The following DAB1 variants were observed in gnomAD, a reference collection of about 807,000 sequenced individuals.
The protein encoded by DAB1 is DAB adaptor protein 1.
DAB1 carries 15 observed loss-of-function variants against 64.6 expected under a neutral mutation model. The ratio of observed to expected loss-of-function variants is 0.23; its 90% CI spans 0.16 to 0.36. DAB1 has a LOEUF of 0.36. Ranked by LOEUF, DAB1 falls within the 10% of genes least tolerant of loss-of-function variation. DAB1 has a pLI of 1.00. For missense variants in DAB1, 596 were observed against 706.7 expected, an observed-to-expected ratio of 0.84 and a Z score of 1.78; for synonymous variants, 235 against 251.9, an observed-to-expected ratio of 0.93 and a Z score of 0.64.
intron 5 of DAB1, among the ~76,000 whole-genome samples, chr1:58,096,661 A>G (rs745515665): frequency 2.6e-5 from 4 of 152,232 alleles, no homozygotes; most frequent in Admixed American, 6.5e-5. Flanking sequence ...TCTAGTTGCA[A>G]TGTGAAGGCA....
At chr1:58,238,896 C>CT (rs1660166913) in intron 4 of DAB1, among the ~76,000 whole-genome samples, 1 of 152,162 alleles carries the variant, frequency 6.6e-6, no homozygotes, top group Admixed American at 6.5e-5. Context: ...AACAGATACA[C>CT]TTACATGAGG....
chr1:58,049,397 C>G (rs566955072), intron 5 of DAB1: 10 of 496,048 alleles, frequency 2.0e-5, no homozygotes, highest in Non-Finnish European at 3.7e-5. Context: ...TTTTGCACTT[C>G]TTTCCGATAA....
chr1:57,184,150 C>T (rs1280177619), intron 2 of DAB1, among the ~76,000 whole-genome samples: 1 of 152,192 alleles, frequency 6.6e-6, no homozygotes, highest in South Asian at 2.1e-4. Flanking sequence ...TGCCCCACAT[C>T]CAGGCACCCT....
intron 4 of DAB1, among the ~76,000 whole-genome samples, chr1:58,220,297 A>G (rs1659088996): frequency 6.6e-6 from 1 of 152,180 alleles, no homozygotes; most frequent in Non-Finnish European, 1.5e-5. Context: ...TAACTAACTG[A>G]TGGCCCAAGA....
chr1:57,827,710 T>C (rs1482129691), intron 1 of DAB1, among the ~76,000 whole-genome samples: 8 of 152,160 alleles, frequency 5.3e-5, no homozygotes, highest in African/African-American at 1.7e-4. Context: ...CCACCTTTCG[T>C]GACTTATCTG....
intron 4 of DAB1, among the ~76,000 whole-genome samples, chr1:58,171,465 G>A (rs1159327076): frequency 1.3e-5 from 2 of 152,224 alleles, no homozygotes; most frequent in Non-Finnish European, 2.9e-5. Context: ...CAAGATCTTA[G>A]ACTCATCAAT....
chr1:57,256,126 T>C (rs571642315), intron 2 of DAB1, among the ~76,000 whole-genome samples: 1 of 152,292 alleles, frequency 6.6e-6, no homozygotes, highest in East Asian at 1.9e-4. Context: ...TTAAAGGCAA[T>C]TTTACATTTC....
intron 2 of DAB1, among the ~76,000 whole-genome samples, chr1:57,185,417 C>CA (rs376449063): frequency 9.2e-5 from 14 of 151,996 alleles, no homozygotes; most frequent in African/African-American, 3.1e-4. Flanking sequence ...AATACCTGGG[C>CA]AAAGAGAAGG....
chr1:58,473,735 G>T, intron 3 of DAB1: 2 of 452,966 alleles, frequency 4.4e-6, no homozygotes, highest in South Asian at 2.0e-5. Flanking sequence ...TATTGTTAGG[G>T]ACTTGATCTT....
chr1:57,102,251 C>T (rs1280612365), intron 4 of DAB1, among the ~76,000 whole-genome samples: 2 of 152,170 alleles, frequency 1.3e-5, no homozygotes, highest in African/African-American at 4.8e-5. Context: ...CCATCACAAA[C>T]AATTGCCACA....
chr1:57,345,569 T>G (rs544652148), intron 1 of DAB1, among the ~76,000 whole-genome samples: 2 of 152,182 alleles, frequency 1.3e-5, no homozygotes, highest in Admixed American at 6.5e-5. Context: ...CTTTTATGTA[T>G]GCAACATCTA....
intron 2 of DAB1, among the ~76,000 whole-genome samples, chr1:57,222,408 G>C (rs1017502367): frequency 5.3e-5 from 8 of 152,152 alleles, no homozygotes; most frequent in African/African-American, 1.4e-4. Flanking sequence ...ATAAGTCAGG[G>C]AGATGGCTGT....
At chr1:57,407,741 T>C (rs1182585829) in intron 1 of DAB1, among the ~76,000 whole-genome samples, 1 of 151,588 alleles carries the variant, frequency 6.6e-6, no homozygotes, top group African/African-American at 2.4e-5. Context: ...AGGACTGTTG[T>C]GAAGATGGAA....
chr1:58,525,560 A>G (rs974577631), intron 2 of DAB1, among the ~76,000 whole-genome samples: 3 of 152,130 alleles, frequency 2.0e-5, no homozygotes, highest in Admixed American at 6.5e-5. Context: ...ATCGAGAAAA[A>G]TTAAACATCT....
chr1:57,228,067 T>C (rs1472805414), intron 2 of DAB1, among the ~76,000 whole-genome samples: 1 of 152,242 alleles, frequency 6.6e-6, no homozygotes, highest in South Asian at 2.1e-4. Flanking sequence ...CATTTCACCA[T>C]ACATTAACCT....
intron 4 of DAB1, among the ~76,000 whole-genome samples, chr1:58,288,038 A>AAT (rs1553173019): frequency 1.6e-5 from 2 of 122,676 alleles, no homozygotes; most frequent in East Asian, 2.4e-4. Context: ...AAAAAAAAAA[A>AAT]AAAAAAAGAA....
chr1:57,374,371 T>C (rs1484556381), intron 1 of DAB1, among the ~76,000 whole-genome samples: 1 of 152,228 alleles, frequency 6.6e-6, no homozygotes, highest in Non-Finnish European at 1.5e-5. Flanking sequence ...ATGTAAACTT[T>C]TATTAATTTC....
intron 4 of DAB1, among the ~76,000 whole-genome samples, chr1:57,105,467 T>C (rs2100704493): frequency 6.6e-6 from 1 of 152,252 alleles, no homozygotes; most frequent in Admixed American, 6.5e-5. Context: ...GCAGCCGCAG[T>C]CGCCCTTAGT....
chr1:57,399,352 A>AGATG (rs1242124136), intron 1 of DAB1, among the ~76,000 whole-genome samples: 2 of 152,204 alleles, frequency 1.3e-5, no homozygotes, highest in Non-Finnish European at 2.9e-5. Context: ...ATAACATGAT[A>AGATG]GATGGATGGA....
Sources: allele counts gnomAD v4.1 joint callset (sites outside exome capture counted in the v4.1 genomes callset), GRCh38; gene constraint gnomAD v4.1.1; transcripts MANE v1.5; gene names NCBI Gene and HGNC (gene_info 2026-07-23, HGNC 2026-07-21).